GNG2: variants seen among roughly 807,000 people sequenced by gnomAD.
The protein encoded by GNG2 is guanine nucleotide-binding protein G(I)/G(S)/G(O) subunit gamma-2.
GNG2 carries 5 observed loss-of-function variants against 5.5 expected under a neutral mutation model. The observed-to-expected ratio is 0.91, with a 90% CI of 0.48 to 1.92. The LOEUF (loss-of-function observed/expected upper bound fraction) is 1.92, where lower values mean the gene tolerates loss of function less well. GNG2 is among the 30% of genes most tolerant of loss of function. The pLI is 0.01. For missense variants in GNG2, 55 were observed against 88.4 expected (o/e 0.62, Z 1.52); for synonymous variants, 28 against 32.0 (o/e 0.88, Z 0.42).
chr14:51,912,044 A>G (rs1444894582), intron 2 of GNG2, among the ~76,000 whole-genome samples: 1 of 148,036 alleles, frequency 6.8e-6, no homozygotes, highest in Non-Finnish European at 1.5e-5. Flanking sequence ...TGGTGGTGTT[A>G]TCATCCCCAC....
intron 2 of GNG2, among the ~76,000 whole-genome samples, chr14:51,887,081 T>C (rs1884510041): frequency 6.6e-6 from 1 of 152,210 alleles, no homozygotes; most frequent in Non-Finnish European, 1.5e-5. Flanking sequence ...TGGACCCAGA[T>C]ACAATGGTAG....
intron 2 of GNG2, among the ~76,000 whole-genome samples, chr14:51,911,703 CT>C (rs1363537877): frequency 7.9e-6 from 1 of 127,094 alleles, no homozygotes; most frequent in African/African-American, 3.2e-5. Context: ...GCCACCAAGC[CT>C]GGCTAATTTT....
intron 2 of GNG2, among the ~76,000 whole-genome samples, chr14:51,890,149 C>T (rs975567634): frequency 2.0e-5 from 3 of 152,200 alleles, no homozygotes; most frequent in Admixed American, 2.0e-4. Flanking sequence ...GACAGACTTC[C>T]TCCCTTTCTA....
intron 2 of GNG2, among the ~76,000 whole-genome samples, chr14:51,929,954 A>G (rs958721622): frequency 1.1e-4 from 16 of 152,170 alleles, no homozygotes; most frequent in South Asian, 6.2e-4. Context: ...TATCACCTTA[A>G]TTTTAAGTTC....
chr14:51,930,080 C>T (rs533198142), intron 2 of GNG2, among the ~76,000 whole-genome samples: 2 of 152,378 alleles, frequency 1.3e-5, no homozygotes, highest in East Asian at 3.9e-4. Context: ...CCATGTGACA[C>T]TGAATAACTC....
At chr14:51,832,843 T>C (rs1272169391) in intron 2 of GNG2, among the ~76,000 whole-genome samples, 2 of 152,228 alleles carry the variant, frequency 1.3e-5, no homozygotes, top group East Asian at 1.9e-4. Context: ...GGCTTCAATA[T>C]ACAAATTAAG....
chr14:51,853,958 T>C (rs1179873834), intron 2 of GNG2, among the ~76,000 whole-genome samples: 1 of 152,022 alleles, frequency 6.6e-6, no homozygotes, highest in Admixed American at 6.6e-5. Context: ...TGGCACTATC[T>C]TGGCTTACTG....
intron 2 of GNG2, among the ~76,000 whole-genome samples, chr14:51,948,287 G>C (rs1333792971): frequency 6.6e-6 from 1 of 152,202 alleles, no homozygotes; most frequent in Non-Finnish European, 1.5e-5. Flanking sequence ...AAGAAAGGAA[G>C]AGGGATTAGA....
intron 2 of GNG2, among the ~76,000 whole-genome samples, chr14:51,895,191 T>C (rs1885117442): frequency 6.6e-6 from 1 of 152,138 alleles, no homozygotes; most frequent in African/African-American, 2.4e-5. Flanking sequence ...AACTACTAAA[T>C]AGTTAATTAG....
chr14:51,884,192 T>C (rs886428922), intron 2 of GNG2, among the ~76,000 whole-genome samples: 1 of 152,172 alleles, frequency 6.6e-6, no homozygotes, highest in Non-Finnish European at 1.5e-5. Flanking sequence ...GACACTATTA[T>C]GCTTATTTTT....
chr14:51,935,578 G>A (rs1397937826), intron 2 of GNG2, among the ~76,000 whole-genome samples: 2 of 152,258 alleles, frequency 1.3e-5, no homozygotes, highest in Middle Eastern at 3.4e-3. Flanking sequence ...CATTCAAGAC[G>A]GTGAAAAGTG....
chr14:51,961,134 T>C (rs968371740), intron 3 of GNG2, among the ~76,000 whole-genome samples: 3 of 152,210 alleles, frequency 2.0e-5, no homozygotes, highest in Non-Finnish European at 4.4e-5. Flanking sequence ...GGATCACTCC[T>C]CTGTGCTGCC....
At chr14:51,851,286 A>T (rs1372637558) in intron 2 of GNG2, among the ~76,000 whole-genome samples, 1 of 146,790 alleles carries the variant, frequency 6.8e-6, no homozygotes, top group Non-Finnish European at 1.5e-5. Context: ...CCATATGCAT[A>T]CTCATCATTC....
intron 3 of GNG2, among the ~76,000 whole-genome samples, chr14:51,951,698 G>C (rs57720040): frequency 0.016 from 2,478 of 152,206 alleles, 63 homozygotes; most frequent in African/African-American, 0.057. Context: ...AGTCTGACAG[G>C]GTCAATAAAA....
chr14:51,962,456 A>T (rs1163336645), intron 3 of GNG2, among the ~76,000 whole-genome samples: 4 of 152,152 alleles, frequency 2.6e-5, no homozygotes, highest in African/African-American at 9.7e-5. Flanking sequence ...GAAATGTTAA[A>T]TTTCCATTTG....
At chr14:51,937,988 A>G (rs73297004) in intron 2 of GNG2, among the ~76,000 whole-genome samples, 6,095 of 152,268 alleles carry the variant, frequency 0.04, 365 homozygotes, top group African/African-American at 0.14. Flanking sequence ...AGTGTCTTCC[A>G]GAATTAGTGA....
chr14:51,966,474 A>G, intron 3 of GNG2, 85 bp from the exon 4 acceptor site: 2 of 1,163,532 alleles, frequency 1.7e-6, no homozygotes, highest in Admixed American at 3.7e-5. Flanking sequence ...CAAGGATTTG[A>G]TGCCAGGACA....
At chr14:51,961,416 A>G (rs1481877280) in intron 3 of GNG2, among the ~76,000 whole-genome samples, 2 of 152,214 alleles carry the variant, frequency 1.3e-5, no homozygotes, top group South Asian at 4.1e-4. Context: ...TCCTTCAGCA[A>G]TTACTATGAG....
chr14:51,919,904 T>G (rs543760164), intron 2 of GNG2, among the ~76,000 whole-genome samples: 2 of 152,314 alleles, frequency 1.3e-5, no homozygotes, highest in African/African-American at 4.8e-5. Flanking sequence ...AAAATAGATA[T>G]GGCCCCTGTC....
Sources: allele counts gnomAD v4.1 joint callset (sites outside exome capture counted in the v4.1 genomes callset), GRCh38; gene constraint gnomAD v4.1.1; transcripts MANE v1.5; gene names NCBI Gene and HGNC (gene_info 2026-07-23, HGNC 2026-07-21).